The following DAB1 variants were observed in gnomAD, a reference collection of about 807,000 sequenced individuals.
DAB1 encodes DAB adaptor protein 1.
In DAB1, 15 loss-of-function variants were observed where a neutral mutation model predicts 64.6. That is an observed-to-expected ratio of 0.23 (90% CI 0.16 to 0.36). The LOEUF is 0.36. DAB1 is among the 10% of genes least tolerant of loss of function. The pLI, the probability that DAB1 is intolerant of heterozygous loss-of-function variation, is 1.00. For synonymous variants in DAB1, 235 were observed against 251.9 expected (o/e 0.93, Z 0.64); for missense variants, 596 against 706.7 (o/e 0.84, Z 1.78).
rs985700270 is a variant in DAB1, at chr1:57,202,806, G to T, written c.68-57377C>A. ...ATTTCCCTTCTTTAGTAAGTTCAGA[G>T]GAGTCCTGTTGCTCTCAGGATGAAG... On this transcript the variant is annotated intron_variant, in intron 2 of 14. Coordinates refer to ENST00000371236, the MANE Select transcript of DAB1 (RefSeq NM_001365792.1). Among the ~76,000 whole-genome samples, 8 of 152,126 alleles carry T rather than the reference G, an allele frequency of 5.3e-5. No individual in the cohort carries two copies. In the East Asian group the frequency reaches 1.5e-3, roughly 29 times the overall value.
chr1:57,295,058 T>G (rs1167233177), intron 1 of DAB1, among the ~76,000 whole-genome samples: 1 of 152,168 alleles, frequency 6.6e-6, no homozygotes, highest in African/African-American at 2.4e-5. Context: ...GATCAGTGGT[T>G]GCCAGAGGCC....
At chr1:58,367,236 A>G (rs563700644) in intron 3 of DAB1, among the ~76,000 whole-genome samples, 122 of 152,304 alleles carry the variant, frequency 8.0e-4, no homozygotes, top group Middle Eastern at 3.4e-3. Flanking sequence ...GGTCAACTTC[A>G]CATACTGGTA....
chr1:57,868,804 T>C (rs1654413193), intron 1 of DAB1, among the ~76,000 whole-genome samples: 2 of 152,120 alleles, frequency 1.3e-5, no homozygotes. Flanking sequence ...CTAGGCTTCC[T>C]CTATACAACA....
At chr1:57,323,096 G>C (rs1233297775) in intron 1 of DAB1, among the ~76,000 whole-genome samples, 2 of 151,858 alleles carry the variant, frequency 1.3e-5, no homozygotes, top group African/African-American at 4.8e-5. Flanking sequence ...AAGCCTGCTG[G>C]TCCATGGACC....
At chr1:57,226,672 A>AAAAAAAATATATATATATAT (rs747021990) in intron 2 of DAB1, among the ~76,000 whole-genome samples, 24 of 135,990 alleles carry the variant, frequency 1.8e-4, no homozygotes, top group African/African-American at 7.4e-4. Context: ...TTAAAAAAAA[A>AAAAAAAATATATATATATAT]ATATATATAT....
chr1:57,050,916 G>A (rs58615684), intron 9 of DAB1, among the ~76,000 whole-genome samples: 3,750 of 152,220 alleles, frequency 0.025, 147 homozygotes, highest in African/African-American at 0.085. Flanking sequence ...AGGGTTTCTA[G>A]CAACTGGAGC....
At chr1:57,198,691 C>CACACACACACA (rs1557920338) in intron 2 of DAB1, among the ~76,000 whole-genome samples, 3 of 109,856 alleles carry the variant, frequency 2.7e-5, no homozygotes, top group Admixed American at 8.7e-5. Flanking sequence ...ACACACACAC[C>CACACACACACA]CATCAACTTT....
intron 4 of DAB1, among the ~76,000 whole-genome samples, chr1:58,233,219 G>A (rs190559423): frequency 6.6e-6 from 1 of 152,332 alleles, no homozygotes; most frequent in African/African-American, 2.4e-5. Flanking sequence ...GTAGAGAGGA[G>A]GAGGAGAAAG....
chr1:57,181,320 G>C (rs1468391810), intron 2 of DAB1, among the ~76,000 whole-genome samples: 1 of 152,210 alleles, frequency 6.6e-6, no homozygotes, highest in South Asian at 2.1e-4. Flanking sequence ...ACGGTCCTAA[G>C]AGTTGCCTTC....
At chr1:57,266,617 C>T (rs1047942500) in intron 2 of DAB1, among the ~76,000 whole-genome samples, 2 of 152,130 alleles carry the variant, frequency 1.3e-5, no homozygotes, top group East Asian at 3.9e-4. Context: ...ATCCTCACAA[C>T]GAGTTTGTGT....
At chr1:57,242,808 C>T (rs1352286552) in intron 2 of DAB1, among the ~76,000 whole-genome samples, 2 of 152,092 alleles carry the variant, frequency 1.3e-5, no homozygotes, top group Admixed American at 1.3e-4. Flanking sequence ...ATAAAAGAGC[C>T]AAAACCCTTT....
chr1:57,945,452 A>ATTATTG (rs766362058), intron 5 of DAB1, among the ~76,000 whole-genome samples: 1 of 108,306 alleles, frequency 9.2e-6, no homozygotes, highest in Non-Finnish European at 1.8e-5. Flanking sequence ...TATTATTATT[A>ATTATTG]TTATTTTGGC....
At chr1:57,192,300 G>A (rs1479589084) in intron 2 of DAB1, among the ~76,000 whole-genome samples, 2 of 145,076 alleles carry the variant, frequency 1.4e-5, no homozygotes, top group Non-Finnish European at 3.0e-5. Flanking sequence ...CCGGGTGACA[G>A]AGCAAGTGAG....
At chr1:58,400,863 A>C (rs1485567207) in intron 3 of DAB1, among the ~76,000 whole-genome samples, 1 of 152,226 alleles carries the variant, frequency 6.6e-6, no homozygotes, top group East Asian at 1.9e-4. Context: ...TTTTGATATT[A>C]AAAATTAATA....
intron 5 of DAB1, among the ~76,000 whole-genome samples, chr1:57,889,226 GT>G (rs1644270695): frequency 6.6e-6 from 1 of 152,222 alleles, no homozygotes; most frequent in Non-Finnish European, 1.5e-5. Flanking sequence ...CTTGAAACCT[GT>G]TTCTGCGCTT....
intron 6 of DAB1, among the ~76,000 whole-genome samples, chr1:57,660,023 T>A (rs575565354): frequency 3.2e-5 from 4 of 124,324 alleles, no homozygotes; most frequent in African/African-American, 8.6e-5. Context: ...ATAAATAAGA[T>A]GAAAAGATAG....
chr1:58,040,623 G>A (rs183723913), intron 5 of DAB1, among the ~76,000 whole-genome samples: 25 of 152,298 alleles, frequency 1.6e-4, no homozygotes, highest in African/African-American at 6.0e-4. Flanking sequence ...GGCTAAATGA[G>A]TTTCCTGCGG....
In DAB1 at chr1:57,712,996, C is replaced by A. The variant is rs1647044152; in HGVS notation, n.552-63331G>T. ...TTTCTTTCTATCAGATTAAAACTGA[C>A]AGAGATGAAACAGTTTTGGGCTGAT... On this transcript the variant is annotated intron_variant and non_coding_transcript_variant, in intron 6 of 20. Transcript: ENST00000485760. Among the ~76,000 whole-genome samples the A allele has an allele frequency of 2.0e-5, 3 of 152,246 alleles. 1 individual carries two copies. The South Asian group carries it at 6.2e-4, about 32-fold the overall frequency.
chr1:57,407,615 G>A (rs965997683), intron 1 of DAB1, among the ~76,000 whole-genome samples: 4 of 152,000 alleles, frequency 2.6e-5, no homozygotes, highest in Admixed American at 1.3e-4. Flanking sequence ...CTTATTTTTC[G>A]GCCGAGGCCC....
Sources: allele counts gnomAD v4.1 joint callset (sites outside exome capture counted in the v4.1 genomes callset), GRCh38; gene constraint gnomAD v4.1.1; transcripts MANE v1.5; gene names NCBI Gene and HGNC (gene_info 2026-07-23, HGNC 2026-07-21).